The following WDR81 variants were observed in gnomAD, a reference collection of about 807,000 sequenced individuals.
WDR81 encodes the protein WD repeat-containing protein 81.
Under a neutral mutation model 140.8 loss-of-function variants are expected in WDR81, and 92 were observed. The observed-to-expected ratio is 0.65, with a 90% CI of 0.55 to 0.78. The LOEUF is 0.78. Among genes scored for constraint, WDR81 ranks in the 30% least tolerant of loss-of-function variants. The probability of loss-of-function intolerance (pLI) is 0.00; values close to 1 mark genes in which losing one functional copy is unlikely to be tolerated. For missense variants in WDR81, 2,502 were observed against 2,636.4 expected, an observed-to-expected ratio of 0.95 and a Z score of 1.12; for synonymous variants, 1,183 against 1,156.4, an observed-to-expected ratio of 1.02 and a Z score of -0.47.
intron 1 of WDR81, among the ~76,000 whole-genome samples, chr17:1,729,751 A>G (rs1915550563): frequency 6.6e-6 from 1 of 152,136 alleles, no homozygotes; most frequent in African/African-American, 2.4e-5. Flanking sequence ...TCACAAGGTC[A>G]GGAGATTGAG....
At chr17:1,736,388 C>T (rs1433641393) in intron 9 of WDR81, among the ~76,000 whole-genome samples, 170 bp downstream of exon 9, 1 of 152,154 alleles carries the variant, frequency 6.6e-6, no homozygotes, top group East Asian at 1.9e-4. Context: ...ACCTTGGGAG[C>T]CAGTTGCACT....
Position 1,727,199 on chromosome 17 carries a change from G to T in WDR81, c.2240G>T (p.Gly747Val). The T allele has an allele frequency of 6.5e-7, 1 of 1,549,888 alleles. No individual in the cohort carries two copies. Among genetic ancestry groups the T allele is most frequent in the East Asian group, 2.4e-5 (1 of 40,898 alleles). ...TGNFLAKGLG[G>V]LLEVPEQPRV... ...AACTTCTTGGCCAAAGGCCTAGGGGGCCTGTTGGAGGTGCCTGAGCAGCCC... is the reference window on the plus strand; with the variant it reads ...AACTTCTTGGCCAAAGGCCTAGGGGTCCTGTTGGAGGTGCCTGAGCAGCCC... The change falls in exon 1 of 10, where the codon GGC (glycine) becomes GTC (valine). Residue 747 changes from glycine (G) to valine (V), a missense_variant. By Grantham distance (109) the Gly-to-Val change is moderately radical. Coordinates refer to ENST00000409644, the MANE Select transcript of WDR81 (RefSeq NM_001163809.2).
chr17:1,728,240 C>G lies in WDR81; in HGVS notation c.3281C>G (p.Ser1094Cys). The change falls in exon 1 of 10, where the codon TCT becomes TGT. Residue 1094 changes from serine (S) to cysteine (C), a missense_variant. By Grantham distance (112) the Ser-to-Cys change is moderately radical. Around this residue, in one of 3 missense-constraint regions of WDR81, gnomAD observed 1,737 missense variants for 1,843.0 expected, o/e 0.94. Coordinates refer to ENST00000409644, the MANE Select transcript of WDR81 (RefSeq NM_001163809.2). ...DFQAGLYVTESPQPQEAEAVS... is the reference protein window; with the variant it reads ...DFQAGLYVTECPQPQEAEAVS... ...CAAGCCGGGCTCTATGTGACTGAGT[C>G]TCCCCAGCCCCAGGAGGCTGAGGCT... 6.2e-7 allele frequency: 1 copy of G among 1,610,022 alleles called. No homozygotes were observed. The highest frequency in any genetic ancestry group is 8.5e-7 in the Non-Finnish European group (1 of 1,178,040).
In WDR81 at chr17:1,726,532, G is replaced by A. The variant is rs771173432; in HGVS notation, c.1573G>A (p.Val525Ile). Residue 525 changes from valine (V) to isoleucine (I), a missense_variant, in exon 1 of 10, where the codon GTA becomes ATA. By Grantham distance (29) the Val-to-Ile change is conservative. This residue lies in a region of WDR81 where 218 missense variants were observed against 279.6 expected (regional missense o/e 0.78). Coordinates refer to ENST00000409644, the MANE Select transcript of WDR81 (RefSeq NM_001163809.2). ...CTGGTGCAGCTCCAGCCAGGAGTTC[G>A]TAGCTGCCCACCGAGCCCTGCTGGA... The part of the protein sequence containing the change: ...PAWCSSSQEF[V>I]AAHRALLESR... 27 of 1,550,232 alleles carry A rather than the reference G, an allele frequency of 1.7e-5. 1 individual carries two copies. The South Asian group carries it at 1.8e-4, about 10-fold the overall frequency.
rs139795210 is a variant in WDR81 at position 1,733,539 on chromosome 17, G to A, written c.4502G>A (p.Arg1501Gln). The A allele has an allele frequency of 1.7e-4, 265 of 1,516,356 alleles. No homozygotes were observed. The African/African-American group carries it at 2.9e-3, about 16-fold the overall frequency. The allele number at this position is 1,516,356 out of a possible 1,614,324, so 93.9% of individuals were successfully genotyped here. The change falls in exon 7 of 10, where the codon CGG becomes CAG. Residue 1501 changes from arginine to glutamine, a missense_variant. Arg to Gln is a conservative substitution (Grantham distance 43). Around this residue, in one of 3 missense-constraint regions of WDR81, gnomAD observed 1,737 missense variants for 1,843.0 expected, o/e 0.94. Transcript: ENST00000409644. ...CACTCCTATCCAGGTGACATCATCC[G>A]GAAAATCATCCCCAACCACGAGCTG... ...PFSCLLGDII[R>Q]KIIPNHELVG...
chr17:1,731,331 C>T (rs1904332008), intron 4 of WDR81, 73 bp downstream of exon 4: 4 of 1,517,422 alleles, frequency 2.6e-6, no homozygotes, highest in Admixed American at 2.0e-5. Flanking sequence ...GTGGGAAGCT[C>T]AGGGGAGAGG....
upstream of WDR81, among the ~76,000 whole-genome samples, chr17:1,723,457 T>TTATA (rs60606428): frequency 1.1e-4 from 14 of 130,546 alleles, no homozygotes; most frequent in South Asian, 1.9e-3. Context: ...ATTTATTTAT[T>TTATA]TTTATTTATT....
chr17:1,733,954 C>A lies in WDR81; in HGVS notation c.4917C>A (p.Ile1639=). The change falls in exon 7 of 10, where the codon ATC becomes ATA. Residue 1639 remains isoleucine (I), a synonymous_variant. Transcript: ENST00000409644. ...ATGCCCACTTTCACTTCCACCAGAT[C>A]CGCCTGCAGAGCTTCCCGGGCCACT... The part of the protein sequence containing the change: ...QQDAHFHFHQ[I]RLQSFPGHSG... 3.7e-6 allele frequency: 6 copies of A among 1,612,888 alleles called. No individual in the cohort carries two copies. The highest frequency in any genetic ancestry group is 5.1e-6 in the Non-Finnish European group (6 of 1,179,996).
chr17:1,723,227 C>T (rs1484292490), upstream of WDR81, among the ~76,000 whole-genome samples: 12 of 152,184 alleles, frequency 7.9e-5, no homozygotes, highest in South Asian at 2.5e-3. Flanking sequence ...CACCCTTCCC[C>T]CAGCCACAGT....
In WDR81 at chr17:1,733,889, C is replaced by T; in HGVS notation, c.4852C>T (p.Leu1618=). ...RSVHGLSGNW[L]AYWQYEIGVS... ...CGTGCACGGGCTGAGCGGAAACTGG[C>T]TGGCGTACTGGCAGTACGAGATCGG... is the stretch of plus-strand genomic sequence containing the variant. Residue 1618 remains leucine, a synonymous_variant, in exon 7 of 10, where the codon CTG becomes TTG. Transcript: ENST00000409644. The T allele has an allele frequency of 6.2e-7, 1 of 1,612,774 alleles. No individual in the cohort carries two copies. Among genetic ancestry groups the T allele is most frequent in the Non-Finnish European group, 8.5e-7 (1 of 1,179,946 alleles).
chr17:1,720,314 G>A (rs1263583228), upstream of WDR81, among the ~76,000 whole-genome samples: 1 of 152,190 alleles, frequency 6.6e-6, no homozygotes, highest in Non-Finnish European at 1.5e-5. Context: ...CTTGCATTGG[G>A]ATTCAGGGAA....
rs1431216025 is a variant in WDR81, at chr17:1,730,563, G to A, written c.3775+76G>A. Reference sequence around the variant, plus strand: ...CTGCCTAGCTTCAGCGCTCTCCGGCGGGGATCCTTCCCACCCCTCCCTCAA... The same window carrying A: ...CTGCCTAGCTTCAGCGCTCTCCGGCAGGGATCCTTCCCACCCCTCCCTCAA... On this transcript the variant is annotated intron_variant, in intron 2 of 9. Coordinates refer to ENST00000409644, the MANE Select transcript of WDR81 (RefSeq NM_001163809.2). The A allele has an allele frequency of 1.0e-5, 15 of 1,489,658 alleles. No homozygotes were observed. In the Admixed American group the frequency reaches 1.0e-4, roughly 10 times the overall value. The allele number at this position is 1,489,658 out of a possible 1,614,324, so 92.3% of individuals were successfully genotyped here.
Position 1,727,855 on chromosome 17 carries a change from C to T in WDR81, c.2896C>T (p.Leu966Phe). ...TGCCAATAAGTACCTCCTGAAGCCG[C>T]TCATTGGTGCCTACGAGAGCCCCTG... The part of the protein sequence containing the change: ...KNANKYLLKP[L>F]IGAYESPCQL... Residue 966 changes from leucine (L) to phenylalanine (F), a missense_variant, in exon 1 of 10, where the codon CTC becomes TTC. Leu to Phe is a conservative substitution (Grantham distance 22). Transcript: ENST00000409644. 2.6e-6 allele frequency: 4 copies of T among 1,550,738 alleles called. No individual in the cohort carries two copies. Among genetic ancestry groups the T allele is most frequent in the Non-Finnish European group, 3.5e-6 (4 of 1,147,076 alleles).
Position 1,731,217 on chromosome 17 carries a change from C to T in WDR81, c.4116C>T (p.Val1372=). The change falls in exon 4 of 10, where the codon GTC becomes GTT. Residue 1372 remains valine (V), a synonymous_variant. Transcript: ENST00000409644. ...MDILPRISHE[V]LLPVLSFLTS... ...TCCTGCCCCGGATCAGCCATGAGGTCCTGCTGCCCGTGCTCAGCTTCCTCA... is the reference window on the plus strand; with the variant it reads ...TCCTGCCCCGGATCAGCCATGAGGTTCTGCTGCCCGTGCTCAGCTTCCTCA... 4 of 1,613,574 alleles carry T rather than the reference C, an allele frequency of 2.5e-6. No individual in the cohort carries two copies. The highest frequency in any genetic ancestry group is 3.4e-6 in the Non-Finnish European group (4 of 1,179,992).
In WDR81 at chr17:1,737,672, G is replaced by A. The variant is rs778706517; in HGVS notation, c.5813G>A (p.Arg1938His). 23 of 1,609,374 alleles carry A rather than the reference G, an allele frequency of 1.4e-5. No homozygotes were observed. Among genetic ancestry groups the A allele is most frequent in the Admixed American group, 3.3e-5 (2 of 59,908 alleles). ...CTGGGCTCAGACAACGGGGTTATCC[G>A]CCTCCTGGCATAGACTGAGGCAGGA... is the stretch of plus-strand genomic sequence containing the variant. ...LLLGSDNGVI[R>H]LLA The change falls in exon 10 of 10, where the codon CGC (arginine) becomes CAC (histidine). Residue 1938 changes from arginine to histidine, a missense_variant. By Grantham distance (29) the Arg-to-His change is conservative. Transcript: ENST00000409644.
At position 1,727,290 on chromosome 17, in the gene WDR81, A is replaced by G. The variant is rs7221974; in HGVS notation, c.2331A>G (p.Leu777=). 421,343 of 1,549,936 alleles carry G rather than the reference A, an allele frequency of 0.27. 59,090 individuals are homozygous for G. The highest frequency in any genetic ancestry group is 0.52 in the East Asian group (21,101 of 40,908). The part of the protein sequence containing the change: ...LHRDMQALGV[L]LAEMVFATRV... ...GGGACATGCAGGCGCTGGGTGTCCTATTGGCAGAGATGGTGTTTGCCACCA... is the reference window on the plus strand; with the variant it reads ...GGGACATGCAGGCGCTGGGTGTCCTGTTGGCAGAGATGGTGTTTGCCACCA... Residue 777 remains leucine, a synonymous_variant, in exon 1 of 10, where the codon CTA becomes CTG. Coordinates refer to ENST00000409644, the MANE Select transcript of WDR81 (RefSeq NM_001163809.2).
chr17:1,728,644 G>A lies in WDR81; in HGVS notation c.3667+18G>A, dbSNP rs1343984718. On this transcript the variant is annotated intron_variant, in intron 1 of 9. Transcript: ENST00000409644. ...CCTCCTTGGTAAGTTCCCAGGTCTG[G>A]GAGGTGTTGGTCAAAAACACCTCCT... 15 of 1,450,298 alleles carry A rather than the reference G, an allele frequency of 1.0e-5. 1 individual carries two copies. The East Asian group carries it at 3.8e-4, about 36-fold the overall frequency. 89.8% of individuals were successfully genotyped at this position (1,450,298 alleles called of 1,614,324 possible). A position where few individuals can be genotyped will look rare whatever the true frequency, so the allele number is the denominator to read the frequency against.
In WDR81 at chr17:1,737,546, T is replaced by G. The variant is rs1597308597; in HGVS notation, c.5687T>G (p.Leu1896Arg). ...TCCAACAAGATTGGCGTCTGCTCCC[T>G]GCTTGAGCCACCCTCGCAGGCCACC... ...TVSNKIGVCS[L>R]LEPPSQATTK... The change falls in exon 10 of 10, where the codon CTG (leucine) becomes CGG (arginine). Residue 1896 changes from leucine to arginine, a missense_variant. Physicochemically the swap from Leu to Arg is moderately radical, Grantham distance 102. Coordinates refer to ENST00000409644, the MANE Select transcript of WDR81 (RefSeq NM_001163809.2). 1.2e-6 allele frequency: 2 copies of G among 1,613,010 alleles called. No homozygotes were observed. Among genetic ancestry groups the G allele is most frequent in the Middle Eastern group, 1.7e-4 (1 of 6,060 alleles).
rs369119133 is a variant in WDR81 at position 1,730,834 on chromosome 17, G to C, written c.3855G>C (p.Pro1285=). 1.9e-6 allele frequency: 3 copies of C among 1,612,710 alleles called. No homozygotes were observed. The change falls in exon 3 of 10, where the codon CCG becomes CCC. Residue 1285 remains proline, a synonymous_variant. Transcript: ENST00000409644. ...CCGGCAACATCTACCAGAAGAGGCC[G>C]GTCCTGGGCGACATCGTGTCAGGGC... ...LSAGNIYQKR[P]VLGDIVSGPV... is the part of the protein sequence containing the mutation.
Sources: gnomAD v4.1 joint callset for allele counts (sites outside exome capture counted in the v4.1 genomes callset) on GRCh38, gnomAD v4.1.1 for gene constraint, gnomAD v4.1.1 regional missense constraint, MANE v1.5 for transcripts, NCBI Gene and HGNC (gene_info 2026-07-23, HGNC 2026-07-21) for gene names.